The following EDA variants were observed in gnomAD, a reference collection of about 807,000 sequenced individuals.
EDA encodes the protein ectodysplasin-A.
A neutral mutation model predicts 23.6 loss-of-function variants in EDA; 2 were observed. That is an observed-to-expected ratio of 0.08 (90% CI 0.03 to 0.27). The LOEUF is 0.27. EDA is among the 10% of genes least tolerant of loss of function. The probability of loss-of-function intolerance (pLI) is 1.00; values close to 1 mark genes in which losing one functional copy is unlikely to be tolerated. For synonymous variants in EDA, 131 were observed against 132.0 expected, an observed-to-expected ratio of 0.99 and a Z score of 0.05; for missense variants, 229 against 324.2, an observed-to-expected ratio of 0.71 and a Z score of 2.26.
intron 1 of EDA, among the ~76,000 whole-genome samples, chrX:69,704,790 C>T (rs1461420066): frequency 9.0e-6 from 1 of 111,723 alleles, no homozygotes; most frequent in Non-Finnish European, 1.9e-5. Flanking sequence ...ACTTAATTTA[C>T]TTATTCTTGA....
intron 1 of EDA, among the ~76,000 whole-genome samples, chrX:69,905,711 C>T (rs762701010): frequency 2.7e-4 from 30 of 111,339 alleles, no homozygotes; most frequent in African/African-American, 8.5e-4. Flanking sequence ...TGTTAGAACC[C>T]GTCTTTGCCT....
intron 1 of EDA, among the ~76,000 whole-genome samples, chrX:69,655,661 C>A (rs1415918539): frequency 9.8e-6 from 1 of 102,396 alleles, no homozygotes; most frequent in Non-Finnish European, 2.0e-5. Flanking sequence ...AGGATTTGGA[C>A]CACATATTTT....
intron 1 of EDA, among the ~76,000 whole-genome samples, chrX:69,679,860 T>C (rs749851576): frequency 9.2e-6 from 1 of 108,421 alleles, no homozygotes; most frequent in African/African-American, 3.4e-5. Context: ...TGCCTTCTGC[T>C]AGCTTTTGAA....
At chrX:69,796,466 G>A (rs1327339374) in intron 1 of EDA, among the ~76,000 whole-genome samples, 2 of 111,670 alleles carry the variant, frequency 1.8e-5, no homozygotes, top group African/African-American at 6.5e-5. Context: ...TATCCCTGAT[G>A]CTGTTTATAG....
At chrX:69,695,965 C>T (rs1344495088) in intron 1 of EDA, among the ~76,000 whole-genome samples, 3 of 110,721 alleles carry the variant, frequency 2.7e-5, no homozygotes, top group Admixed American at 9.6e-5. Flanking sequence ...AAAGGCCAGA[C>T]GCAGTGGCTC....
chrX:69,900,453 A>G (rs1383762585), intron 1 of EDA, among the ~76,000 whole-genome samples: 1 of 107,693 alleles, frequency 9.3e-6, no homozygotes, highest in Non-Finnish European at 1.9e-5. Flanking sequence ...TACATATTTT[A>G]TCATAAAAAT....
At chrX:69,922,949 T>A (rs1476856350) in intron 1 of EDA, among the ~76,000 whole-genome samples, 1 of 110,893 alleles carries the variant, frequency 9.0e-6, no homozygotes, top group Non-Finnish European at 1.9e-5. Flanking sequence ...CCTCTCTCAT[T>A]ACCATCACCA....
chrX:70,024,143 GT>G (rs1352871115), intron 3 of EDA, among the ~76,000 whole-genome samples: 2 of 112,826 alleles, frequency 1.8e-5, no homozygotes, highest in African/African-American at 6.4e-5. Context: ...ACTAATGATT[GT>G]TCATTAAAAT....
At chrX:69,785,434 A>C (rs2015125106) in intron 1 of EDA, among the ~76,000 whole-genome samples, 2 of 99,724 alleles carry the variant, frequency 2.0e-5, no homozygotes, top group South Asian at 8.9e-4. Context: ...TGGGTTTGTC[A>C]TAGATAGCTC....
In EDA at chrX:69,827,106, G is replaced by T. The variant is rs771358132; in HGVS notation, c.397-129921G>T. Among the ~76,000 whole-genome samples the T allele has an allele frequency of 4.5e-5, 5 of 111,579 alleles. No homozygotes were observed. In the South Asian group the frequency reaches 1.9e-3, roughly 42 times the overall value. Reference sequence around the variant, plus strand: ...ATGGGCTTCCCTTTGAGGGTAACCCGACCTTTCTCTCTGGCTGCCCTTAAC... The same window carrying T: ...ATGGGCTTCCCTTTGAGGGTAACCCTACCTTTCTCTCTGGCTGCCCTTAAC... On this transcript the variant is annotated intron_variant, in intron 1 of 7. Transcript: ENST00000374552.
intron 1 of EDA, among the ~76,000 whole-genome samples, chrX:69,841,865 CT>C (rs1282914043): frequency 8.9e-6 from 1 of 112,275 alleles, no homozygotes; most frequent in Non-Finnish European, 1.9e-5. Context: ...AGATGATTGT[CT>C]TTTAGTCTTG....
intron 1 of EDA, among the ~76,000 whole-genome samples, chrX:69,696,639 A>G (rs1025991984): frequency 8.9e-6 from 1 of 111,922 alleles, no homozygotes; most frequent in Non-Finnish European, 1.9e-5. Context: ...CCATATATTG[A>G]TTAGGATTTT....
chrX:70,014,932 C>A (rs1009754837), intron 2 of EDA, among the ~76,000 whole-genome samples: 5 of 112,012 alleles, frequency 4.5e-5, no homozygotes, highest in African/African-American at 1.6e-4. Context: ...GACATCAAAT[C>A]TAACACTCAT....
intron 1 of EDA, among the ~76,000 whole-genome samples, chrX:69,836,607 C>T (rs982700629): frequency 8.9e-6 from 1 of 112,021 alleles, no homozygotes; most frequent in Non-Finnish European, 1.9e-5. Context: ...AGTATTTGGG[C>T]GGGAGTGTCC....
At chrX:69,991,925 G>T (rs920344875) in intron 2 of EDA, among the ~76,000 whole-genome samples, 1 of 111,920 alleles carries the variant, frequency 8.9e-6, no homozygotes, top group Admixed American at 9.4e-5. Flanking sequence ...TGCTGCAAGA[G>T]AAGTGCCTGC....
chrX:69,938,152 C>T (rs1188171224), intron 1 of EDA: 1 of 630,617 alleles, frequency 1.6e-6, no homozygotes, highest in Non-Finnish European at 2.4e-6. Context: ...TCCCCCTGGC[C>T]ATAGAGACAG....
chrX:69,856,254 G>GGTGTGTGTGT lies in EDA; in HGVS notation c.397-100738_397-100729dup, dbSNP rs202079519. Reference sequence around the variant, plus strand: ...TTTTTATGGCTGAGTAGTATTCCATGGTGTGTGTGTGTGTGTGTGTGTGTG... The same window carrying GGTGTGTGTGT: ...TTTTTATGGCTGAGTAGTATTCCATGGTGTGTGTGTGTGTGTGTGTGTGTGTGTGTGTGTG... On this transcript the variant is annotated intron_variant, in intron 1 of 7. Transcript: ENST00000374552. 3.4e-3 allele frequency among the ~76,000 whole-genome samples: 253 copies of GGTGTGTGTGT among 74,929 alleles called. 1 individual carries two copies. The highest frequency in any genetic ancestry group is 0.012 in the South Asian group (14 of 1,146). The allele number at this position is 74,929 out of a possible 115,157, so 65.1% of individuals were successfully genotyped here. A position where few individuals can be genotyped will look rare whatever the true frequency, so the allele number is the denominator to read the frequency against.
chrX:69,801,401 C>T (rs2015682440), intron 1 of EDA, among the ~76,000 whole-genome samples: 1 of 109,821 alleles, frequency 9.1e-6, no homozygotes. Context: ...CTCCTGGGCT[C>T]AAGTTATCCT....
At chrX:69,731,144 T>G (rs2013008363) in intron 1 of EDA, among the ~76,000 whole-genome samples, 1 of 111,509 alleles carries the variant, frequency 9.0e-6, no homozygotes, top group Admixed American at 9.6e-5. Flanking sequence ...ATATAGAGAG[T>G]TTTTCATGGT....
Sources: gnomAD v4.1 joint callset for allele counts (sites outside exome capture counted in the v4.1 genomes callset) on GRCh38, gnomAD v4.1.1 for gene constraint, MANE v1.5 for transcripts, NCBI Gene and HGNC (gene_info 2026-07-23, HGNC 2026-07-21) for gene names.